BAIAP2L2: variants seen among roughly 807,000 people sequenced by gnomAD.
The protein encoded by BAIAP2L2 is BAR/IMD domain-containing adapter protein 2-like 2.
Under a neutral mutation model 60.4 loss-of-function variants are expected in BAIAP2L2, and 65 were observed. The observed-to-expected ratio is 1.08, with a 90% CI of 0.88 to 1.32. The LOEUF is 1.32. Ranked by LOEUF, BAIAP2L2 falls within the 40% of genes most tolerant of loss-of-function variation. The pLI, the probability that BAIAP2L2 is intolerant of heterozygous loss-of-function variation, is 0.00. For missense variants in BAIAP2L2, 836 were observed against 741.2 expected, an observed-to-expected ratio of 1.13 and a Z score of -1.48; for synonymous variants, 344 against 301.7, an observed-to-expected ratio of 1.14 and a Z score of -1.45.
In BAIAP2L2 at chr22:38,087,167, AC is replaced by A. The variant is rs1160782590; in HGVS notation, c.1215del (p.Met405IlefsTer4). 1.1e-5 allele frequency: 11 copies of A among 973,372 alleles called. No individual in the cohort carries two copies. Among genetic ancestry groups the A allele is most frequent in the Non-Finnish European group, 1.6e-5 (11 of 675,864 alleles). The allele number at this position is 973,372 out of a possible 1,614,324, so 60.3% of individuals were successfully genotyped here. Reference protein sequence around the residue: ...PVTPMTSMTSMSPMTPMNPGN... With the variant: ...PVTPMTSMTSXSPMTPMNPGN... The stretch of plus-strand genomic sequence containing the variant: ...CCGGGGTTCATGGGTGTCATGGGGG[AC>A]ATGGAGGTCATGGAGGTCATGGGGG... On this transcript the variant is annotated frameshift_variant, in exon 11 of 14. Coordinates refer to ENST00000381669, the MANE Select transcript of BAIAP2L2 (RefSeq NM_025045.6). LOFTEE classifies it high-confidence loss of function.
At chr22:38,103,009 G>A (rs2086596945) in intron 4 of BAIAP2L2, among the ~76,000 whole-genome samples, 1 of 150,532 alleles carries the variant, frequency 6.6e-6, no homozygotes, top group Non-Finnish European at 1.5e-5. Flanking sequence ...TCACACCACT[G>A]CACTCCAGCC....
intron 5 of BAIAP2L2, 113 bp from the exon 6 acceptor site, chr22:38,098,292 C>T: frequency 6.9e-7 from 1 of 1,454,624 alleles, no homozygotes. Flanking sequence ...CAGCTGGGAA[C>T]ATGGATAATC....
intron 4 of BAIAP2L2, among the ~76,000 whole-genome samples, chr22:38,101,711 G>A (rs1384810206): frequency 5.3e-5 from 8 of 151,826 alleles, no homozygotes; most frequent in South Asian, 2.1e-4. Flanking sequence ...TAAATTAGCC[G>A]AGCATGGTGG....
At chr22:38,110,785 C>A (rs2086830215), upstream of BAIAP2L2, 2 of 503,294 alleles carry the variant, frequency 4.0e-6, no homozygotes. Flanking sequence ...GTGTGACCTG[C>A]CCTTCAATTA....
chr22:38,098,621 G>A (rs1488888074), intron 4 of BAIAP2L2, 139 bp from the exon 5 acceptor site: 13 of 614,086 alleles, frequency 2.1e-5, no homozygotes, highest in Non-Finnish European at 2.8e-5. Context: ...TCAGAGAAAC[G>A]GAGACAAGAA....
rs765038510 is a variant in BAIAP2L2, at chr22:38,109,215, C to A, written c.52-7G>T. The A allele has an allele frequency of 1.8e-5, 29 of 1,608,460 alleles. No individual in the cohort carries two copies. The Admixed American group carries it at 4.3e-4, about 24-fold the overall frequency. On this transcript the variant is annotated splice_region_variant and splice_polypyrimidine_tract_variant and intron_variant, in intron 1 of 13. Coordinates refer to ENST00000381669, the MANE Select transcript of BAIAP2L2 (RefSeq NM_025045.6). ...TAAACTGCTCCATGATGCTCTGGAC[C>A]CCAGGGTCAGGGGAGGAAAAAGGTG... is the stretch of plus-strand genomic sequence containing the variant.
Position 38,087,144 on chromosome 22 carries a change from G to GCGGTTCAT in BAIAP2L2, c.1238_1239insATGAACCG (p.Gly414Ter). On this transcript the variant is annotated stop_gained and frameshift_variant, in exon 11 of 14. Coordinates refer to ENST00000381669, the MANE Select transcript of BAIAP2L2 (RefSeq NM_025045.6). LOFTEE classifies it high-confidence loss of function. ...GGTACCTGGAAGGCAGCTCGTTCCC[G>GCGGTTCAT]GGGTTCATGGGTGTCATGGGGGACA... 1.3e-6 allele frequency: 2 copies of GCGGTTCAT among 1,587,140 alleles called. No individual in the cohort carries two copies. Among genetic ancestry groups the GCGGTTCAT allele is most frequent in the Non-Finnish European group, 8.6e-7 (1 of 1,169,286 alleles).
At chr22:38,102,117 A>G (rs1357280384) in intron 4 of BAIAP2L2, among the ~76,000 whole-genome samples, 1 of 152,088 alleles carries the variant, frequency 6.6e-6, no homozygotes, top group Non-Finnish European at 1.5e-5. Flanking sequence ...CAGTCTGTGA[A>G]CAGCAGCTGA....
rs2086735910 is a variant in BAIAP2L2, at chr22:38,109,193, A to G, written c.67T>C (p.Phe23Leu). ...MAIYKSIMEQ[F>L]NPALENLVYL... is the part of the protein sequence containing the mutation. ...ACCAGGTTCTCCAGGGCGGGGTTAAACTGCTCCATGATGCTCTGGACCCCA... is the reference window on the plus strand; with the variant it reads ...ACCAGGTTCTCCAGGGCGGGGTTAAGCTGCTCCATGATGCTCTGGACCCCA... Residue 23 changes from phenylalanine (F) to leucine (L), a missense_variant, in exon 2 of 14, where the codon TTT (phenylalanine) becomes CTT (leucine). Coordinates refer to ENST00000381669, the MANE Select transcript of BAIAP2L2 (RefSeq NM_025045.6). The G allele has an allele frequency of 6.2e-7, 1 of 1,612,508 alleles. No homozygotes were observed. The highest frequency in any genetic ancestry group is 8.5e-7 in the Non-Finnish European group (1 of 1,179,042).
At chr22:38,099,069 G>A (rs1469653330) in intron 4 of BAIAP2L2, among the ~76,000 whole-genome samples, 1 of 152,232 alleles carries the variant, frequency 6.6e-6, no homozygotes, top group Admixed American at 6.5e-5. Flanking sequence ...CCTGGGAGGT[G>A]ACAGGTTCCC....
chr22:38,108,298 C>A lies in BAIAP2L2; in HGVS notation c.171G>T (p.Lys57Asn). 6.2e-7 allele frequency: 1 copy of A among 1,612,840 alleles called. No homozygotes were observed. Among genetic ancestry groups the A allele is most frequent in the Non-Finnish European group, 8.5e-7 (1 of 1,179,948 alleles). ...AAEVYFSAIQ[K>N]IGERALQSPT... ...GGCTCTGCAGGGCACGCTCCCCAATCTTCTGGATGGCACTGAAGTAGACCT... is the reference window on the plus strand; with the variant it reads ...GGCTCTGCAGGGCACGCTCCCCAATATTCTGGATGGCACTGAAGTAGACCT... The change falls in exon 3 of 14, where the codon AAG becomes AAT. Residue 57 changes from lysine to asparagine, a missense_variant. Lys to Asn is a moderately conservative substitution (Grantham distance 94). Transcript: ENST00000381669.
At chr22:38,110,273 C>G (rs1004159752) in intron 1 of BAIAP2L2, among the ~76,000 whole-genome samples, 8 of 151,552 alleles carry the variant, frequency 5.3e-5, no homozygotes, top group Non-Finnish European at 8.8e-5. Context: ...TGTCCAGCAT[C>G]TGGGAGTTGG....
rs111783779 is a variant in BAIAP2L2 at position 38,087,173 on chromosome 22, A to G, written c.1210T>C (p.Ser404Pro). Residue 404 changes from serine to proline, a missense_variant, in exon 11 of 14, where the codon TCC becomes CCC. Physicochemically the swap from Ser to Pro is moderately conservative, Grantham distance 74 (BLOSUM62 -1). Coordinates refer to ENST00000381669, the MANE Select transcript of BAIAP2L2 (RefSeq NM_025045.6). The part of the protein sequence containing the change: ...TPVTPMTSMT[S>P]MSPMTPMNPG... ...TTCATGGGTGTCATGGGGGACATGG[A>G]GGTCATGGAGGTCATGGGGGTCACG... is the stretch of plus-strand genomic sequence containing the variant. 895 of 1,016,256 alleles carry G rather than the reference A, an allele frequency of 8.8e-4. No homozygotes were observed. Among genetic ancestry groups the G allele is most frequent in the African/African-American group, 2.4e-3 (123 of 50,438 alleles). The allele number at this position is 1,016,256 out of a possible 1,614,324, so 63.0% of individuals were successfully genotyped here. A position where few individuals can be genotyped will look rare whatever the true frequency, so the allele number is the denominator to read the frequency against.
intron 1 of BAIAP2L2, 63 bp downstream of exon 1, chr22:38,110,412 G>C: frequency 6.6e-7 from 1 of 1,516,562 alleles, no homozygotes; most frequent in South Asian, 1.2e-5. Context: ...CCTCCAGAGC[G>C]GGCCTGATTT....
chr22:38,085,673 T>C lies in BAIAP2L2; in HGVS notation c.1514+13A>G. 6.2e-7 allele frequency: 1 copy of C among 1,612,700 alleles called. No individual in the cohort carries two copies. The highest frequency in any genetic ancestry group is 2.2e-5 in the East Asian group (1 of 44,870). On this transcript the variant is annotated intron_variant, in intron 13 of 13. Transcript: ENST00000381669. ...ACCCTCCTCACTGTTTGGGCCCCCA[T>C]GTGAGGACTCACCTCGGGAAGAGCT...
chr22:38,109,374 T>C (rs950154979), intron 1 of BAIAP2L2, among the ~76,000 whole-genome samples, 166 bp from the exon 2 acceptor site: 1 of 152,088 alleles, frequency 6.6e-6, no homozygotes, highest in South Asian at 2.1e-4. Flanking sequence ...CCCAGAATCC[T>C]GGCTCTTGGC....
chr22:38,107,651 G>A (rs550984721), intron 4 of BAIAP2L2, among the ~76,000 whole-genome samples: 142 of 152,282 alleles, frequency 9.3e-4, no homozygotes, highest in African/African-American at 3.3e-3. Flanking sequence ...TAAAATGGAG[G>A]CAGAAATGCC....
intron 1 of BAIAP2L2, among the ~76,000 whole-genome samples, chr22:38,110,045 G>C (rs2086776956): frequency 8.5e-5 from 1 of 11,728 alleles, no homozygotes; most frequent in Non-Finnish European, 2.0e-4. Flanking sequence ...GAGACAGGGA[G>C]AGACAGAGAG....
chr22:38,093,293 G>A (rs887033563), intron 7 of BAIAP2L2, among the ~76,000 whole-genome samples: 35 of 152,328 alleles, frequency 2.3e-4, no homozygotes, highest in Non-Finnish European at 3.1e-4. Context: ...GAGCAGATGC[G>A]GGCAATGCAC....
Sources: allele counts gnomAD v4.1 joint callset (sites outside exome capture counted in the v4.1 genomes callset), GRCh38; gene constraint gnomAD v4.1.1; transcripts MANE v1.5; gene names NCBI Gene and HGNC (gene_info 2026-07-23, HGNC 2026-07-21).